The following FBXO34 variants were observed in gnomAD, a reference collection of about 807,000 sequenced individuals.
FBXO34 encodes the protein F-box protein 34.
In FBXO34, 12 loss-of-function variants were observed where a neutral mutation model predicts 24.5. That is an observed-to-expected ratio of 0.49 (90% confidence interval 0.31 to 0.79). The LOEUF is 0.79. Among genes scored for constraint, FBXO34 ranks in the 30% least tolerant of loss-of-function variants. The probability of loss-of-function intolerance (pLI) is 0.04; values close to 1 mark genes in which losing one functional copy is unlikely to be tolerated. For missense variants in FBXO34, 823 were observed against 857.7 expected, an observed-to-expected ratio of 0.96 and a Z score of 0.51; for synonymous variants, 320 against 311.9, an observed-to-expected ratio of 1.03 and a Z score of -0.27.
chr14:55,420,367 T>C, the FBXO34 span, among the ~76,000 whole-genome samples: 3 of 152,174 alleles, frequency 2.0e-5, no homozygotes, highest in Non-Finnish European at 4.4e-5. Context: ...TTTAATCCAT[T>C]TGCGGGTGAA....
chr14:55,355,322 G>A (rs898458150), downstream of FBXO34: 10 of 152,148 alleles, frequency 6.6e-5, no homozygotes, highest in African/African-American at 2.2e-4. Context: ...TGGTGGCTCT[G>A]TGCTTAGGAG....
rs1351050999 is a variant in FBXO34, at chr14:55,323,210, A to ATAT, written c.-10-27171_-10-27170insTAT. Among the ~76,000 whole-genome samples the ATAT allele has an allele frequency of 6.1e-4, 20 of 33,026 alleles. 1 individual carries two copies. Among genetic ancestry groups the ATAT allele is most frequent in the African/African-American group, 3.1e-3 (9 of 2,920 alleles). The allele number at this position is 33,026 out of a possible 152,430, so 21.7% of individuals were successfully genotyped here. On this transcript the variant is annotated intron_variant, in intron 1 of 1. Coordinates refer to ENST00000313833, the MANE Select transcript of FBXO34 (RefSeq NM_017943.4). ...AAAAAAAAAAAAAAAAAAAAAAAAA[A>ATAT]AAAAAAAAATATATATTTTTTTTTT...
intron 1 of FBXO34, among the ~76,000 whole-genome samples, chr14:55,326,206 C>T (rs1278229084): frequency 5.3e-5 from 8 of 152,198 alleles, no homozygotes; most frequent in Admixed American, 5.2e-4. Flanking sequence ...GTCTTTATTT[C>T]TGAAGATAAT....
chr14:55,371,388 A>C (rs1884812931), downstream of FBXO34, among the ~76,000 whole-genome samples: 1 of 152,184 alleles, frequency 6.6e-6, no homozygotes, highest in South Asian at 2.1e-4. Context: ...TGTGCTTCCC[A>C]GATGGATTAA....
downstream of FBXO34, among the ~76,000 whole-genome samples, chr14:55,365,225 C>CAAA (rs1175120629): frequency 1.5e-4 from 13 of 88,696 alleles, no homozygotes; most frequent in East Asian, 3.8e-4. Context: ...TCTATCATCT[C>CAAA]AAAAAAAAAA....
At chr14:55,385,912 T>C in the FBXO34 span, 1 of 1,614,188 alleles carries the variant, frequency 6.2e-7, no homozygotes, top group South Asian at 1.1e-5. Flanking sequence ...TGAGCTCTAA[T>C]ATATGGGATC....
chr14:55,298,546 C>G (rs2139699639), intron 1 of FBXO34: 2 of 631,850 alleles, frequency 3.2e-6, no homozygotes, highest in East Asian at 5.5e-5. Context: ...ACTTCTTGTC[C>G]TCATCTTTGA....
At chr14:55,374,408 T>C (rs537100090), downstream of FBXO34, among the ~76,000 whole-genome samples, 1 of 152,358 alleles carries the variant, frequency 6.6e-6, no homozygotes, top group African/African-American at 2.4e-5. Flanking sequence ...GTCTTTCCTG[T>C]ACTGATTTGA....
the FBXO34 span, among the ~76,000 whole-genome samples, chr14:55,434,655 G>A: frequency 0.4 from 60,668 of 152,044 alleles, 14,061 homozygotes; most frequent in East Asian, 0.6. Context: ...CTGCAGCTGT[G>A]AGGATCTTAG....
chr14:55,359,916 C>CAA (rs34051939), intron 3 of FBXO34, among the ~76,000 whole-genome samples: 60 of 95,164 alleles, frequency 6.3e-4, no homozygotes, highest in African/African-American at 2.1e-3. Flanking sequence ...CTTGTGCCTA[C>CAA]AAAAAAAAAA....
At chr14:55,320,804 G>A (rs1439201977) in intron 1 of FBXO34, among the ~76,000 whole-genome samples, 7 of 152,136 alleles carry the variant, frequency 4.6e-5, no homozygotes, top group Non-Finnish European at 8.8e-5. Context: ...TAATTTTAAT[G>A]TATAGTCATA....
chr14:55,411,585 CGTGGCGGCCGCCGTACCTCTCCCG>C, the FBXO34 span: 1 of 1,592,820 alleles, frequency 6.3e-7, no homozygotes, highest in South Asian at 1.1e-5. Flanking sequence ...ACAATAGGGC[CGTGGCGGCCGCCGTACCTCTCCCG>C]GTCGCGGCCG....
At chr14:55,396,045 A>G in the FBXO34 span, 1 of 1,302,824 alleles carries the variant, frequency 7.7e-7, no homozygotes, top group South Asian at 1.4e-5. Context: ...AAGTTCAAAA[A>G]TGTAAAATCA....
chr14:55,362,441 A>G (rs1226412472), downstream of FBXO34, among the ~76,000 whole-genome samples: 5 of 152,240 alleles, frequency 3.3e-5, no homozygotes, highest in African/African-American at 1.2e-4. Context: ...GGCGCTGATG[A>G]CTTGCTCATT....
At chr14:55,319,763 C>T (rs1440844234) in intron 1 of FBXO34, among the ~76,000 whole-genome samples, 2 of 152,150 alleles carry the variant, frequency 1.3e-5, no homozygotes, top group Non-Finnish European at 2.9e-5. Context: ...GCAAGCTCTG[C>T]CTCCCGGGTT....
intron 1 of FBXO34, chr14:55,298,736 C>T: frequency 1.3e-6 from 2 of 1,569,716 alleles, no homozygotes; most frequent in South Asian, 2.2e-5. Flanking sequence ...AGATGTTAAG[C>T]AAGAAACAGG....
At chr14:55,380,004 T>G in the FBXO34 span, among the ~76,000 whole-genome samples, 2 of 152,184 alleles carry the variant, frequency 1.3e-5, no homozygotes, top group South Asian at 4.1e-4. Flanking sequence ...CCCAGCACTT[T>G]GGGAGACCGA....
At chr14:55,275,536 C>T (rs551620047) in intron 1 of FBXO34, among the ~76,000 whole-genome samples, 17 of 151,728 alleles carry the variant, frequency 1.1e-4, no homozygotes, top group African/African-American at 3.1e-4. Flanking sequence ...AACTATTGGC[C>T]GGGTGCAGTG....
At chr14:55,412,967 A>G in the FBXO34 span, among the ~76,000 whole-genome samples, 78,685 of 152,068 alleles carry the variant, frequency 0.52, 23,378 homozygotes, top group African/African-American at 0.84. Context: ...ACCATCGAAA[A>G]CTGGTGATTC....
Sources: gnomAD v4.1 joint callset for allele counts (sites outside exome capture counted in the v4.1 genomes callset) on GRCh38, gnomAD v4.1.1 for gene constraint, MANE v1.5 for transcripts, NCBI Gene and HGNC (gene_info 2026-07-23, HGNC 2026-07-21) for gene names.